COL11A2: variants seen among roughly 807,000 people sequenced by gnomAD.
The protein encoded by COL11A2 is collagen alpha-2(XI) chain.
A neutral mutation model predicts 273.4 loss-of-function variants in COL11A2; 116 were observed. The ratio of observed to expected loss-of-function variants is 0.42; its 90% confidence interval spans 0.36 to 0.49. The LOEUF is 0.49. COL11A2 is among the 20% of genes least tolerant of loss of function. COL11A2 has a pLI of 0.00. For missense variants in COL11A2, 1,866 were observed against 2,309.0 expected, an observed-to-expected ratio of 0.81 and a Z score of 3.93; for synonymous variants, 782 against 864.2, an observed-to-expected ratio of 0.90 and a Z score of 1.67.
chr6:33,188,317 G>A (rs1772664776), intron 4 of COL11A2, 45 bp downstream of exon 4: 1 of 1,611,292 alleles, frequency 6.2e-7, no homozygotes, highest in African/African-American at 1.3e-5. Flanking sequence ...GTGGGCACAA[G>A]ATAGGGGACC....
chr6:33,177,802 C>A lies in COL11A2; in HGVS notation c.1873-96G>T, dbSNP rs779508662. ...CATTCCCGAGGGTGTGACGGTCAGA[C>A]CTCCAATCCATCCCAAACCCAAGCA... On this transcript the variant is annotated intron_variant, in intron 21 of 65. Transcript: ENST00000341947. The surrounding 1 kb of genome is among the most constrained non-coding windows in gnomAD (Gnocchi z 5.9). 24 of 1,369,914 alleles carry A rather than the reference C, an allele frequency of 1.8e-5. No individual in the cohort carries two copies. Among genetic ancestry groups the A allele is most frequent in the South Asian group, 1.7e-4 (14 of 83,622 alleles). 84.9% of individuals were successfully genotyped at this position (1,369,914 alleles called of 1,614,324 possible).
In COL11A2 at chr6:33,170,722, GC is replaced by G. The variant is rs2150542180; in HGVS notation, c.3474+87del. Reference sequence around the variant, plus strand: ...TCAGACTCCGCAGGCCCTCCAGTCTGCATCGGCAGGCTGCTGGCAGAGTCTG... The same window carrying G: ...TCAGACTCCGCAGGCCCTCCAGTCTGATCGGCAGGCTGCTGGCAGAGTCTG... On this transcript the variant is annotated intron_variant, in intron 46 of 65. Coordinates refer to ENST00000341947, the MANE Select transcript of COL11A2 (RefSeq NM_080680.3). This position sits in a 1 kb window ranked among gnomAD's most constrained non-coding sequence, Gnocchi z 4.3. 1 of 1,575,904 alleles carries G rather than the reference GC, an allele frequency of 6.3e-7. No individual in the cohort carries two copies. Among genetic ancestry groups the G allele is most frequent in the Non-Finnish European group, 8.7e-7 (1 of 1,146,666 alleles).
rs2855428 is a variant in COL11A2 at position 33,174,476 on chromosome 6, C to A, written c.2430+51G>T. 3.6e-5 allele frequency: 57 copies of A among 1,601,086 alleles called. 1 individual carries two copies. In the East Asian group the frequency reaches 1.3e-3, roughly 35 times the overall value. ...TTTCTGGAATCAGGGATCAGGGAAG[C>A]GAAGAGGAGGAGGGAAGAGGAGGAG... On this transcript the variant is annotated intron_variant, in intron 31 of 65. Coordinates refer to ENST00000341947, the MANE Select transcript of COL11A2 (RefSeq NM_080680.3).
chr6:33,163,503 G>T lies in COL11A2; in HGVS notation c.*175C>A. ...CCCCAGATGCCACTCCTCCCGTGGG[G>T]TGTCCAGGCAACCACTTCACCCCTC... On this transcript the variant is annotated 3_prime_UTR_variant, in exon 66 of 66. Transcript: ENST00000341947. This position sits in a 1 kb window ranked among gnomAD's most constrained non-coding sequence, Gnocchi z 4.1. The T allele has an allele frequency of 3.4e-6, 3 of 879,960 alleles. No individual in the cohort carries two copies. The highest frequency in any genetic ancestry group is 1.8e-6 in the Non-Finnish European group (1 of 559,726). 54.5% of individuals were successfully genotyped at this position (879,960 alleles called of 1,614,324 possible). A position where few individuals can be genotyped will look rare whatever the true frequency, so the allele number is the denominator to read the frequency against.
Position 33,166,481 on chromosome 6 carries a change from G to A in COL11A2, c.4392+32C>T. The A allele has an allele frequency of 6.2e-7, 1 of 1,609,946 alleles. No homozygotes were observed. The highest frequency in any genetic ancestry group is 8.5e-7 in the Non-Finnish European group (1 of 1,177,556). On this transcript the variant is annotated intron_variant, in intron 60 of 65. Transcript: ENST00000341947. This position sits in a 1 kb window ranked among gnomAD's most constrained non-coding sequence, Gnocchi z 4.8. ...TGGGTGGGCAGCAGAGGGGTTTAGGGGATTTTGTGGAGGAACAGAGGCAGT... is the reference window on the plus strand; with the variant it reads ...TGGGTGGGCAGCAGAGGGGTTTAGGAGATTTTGTGGAGGAACAGAGGCAGT...
intron 5 of COL11A2, 106 bp downstream of exon 5, chr6:33,186,521 G>A (rs1772439392): frequency 6.3e-7 from 1 of 1,585,378 alleles, no homozygotes; most frequent in Non-Finnish European, 8.6e-7. Context: ...AGGGGGTGAT[G>A]GGAATAGGGA....
At chr6:33,183,338 T>G (rs1432469171) in intron 8 of COL11A2, among the ~76,000 whole-genome samples, 5 of 151,876 alleles carry the variant, frequency 3.3e-5, no homozygotes, top group Admixed American at 3.3e-4. Context: ...GAAGTGAACC[T>G]TCAACAACAA....
chr6:33,193,378 C>G (rs533011322), upstream of COL11A2, among the ~76,000 whole-genome samples: 145 of 147,226 alleles, frequency 9.8e-4, 1 homozygote, highest in Middle Eastern at 3.4e-3. Flanking sequence ...CACCGCCCCC[C>G]CTTCCTCCTC....
chr6:33,167,154 G>A lies in COL11A2; in HGVS notation c.4177-31C>T, dbSNP rs1769269711. On this transcript the variant is annotated intron_variant, in intron 57 of 65. Transcript: ENST00000341947. This position sits in a 1 kb window ranked among gnomAD's most constrained non-coding sequence, Gnocchi z 6.1. ...GAGAGATGGGAAGTCATTCTCTTAA[G>A]GGAGAGGTGGGACCAAGTTCTCCCC... 5 of 1,613,934 alleles carry A rather than the reference G, an allele frequency of 3.1e-6. No homozygotes were observed. Among genetic ancestry groups the A allele is most frequent in the Middle Eastern group, 3.3e-4 (2 of 6,082 alleles).
intron 8 of COL11A2, among the ~76,000 whole-genome samples, chr6:33,182,415 C>G (rs1226053844): frequency 6.6e-6 from 1 of 151,988 alleles, no homozygotes; most frequent in Non-Finnish European, 1.5e-5. Context: ...CATCCATACT[C>G]TAAGTAAATT....
Position 33,189,546 on chromosome 6 carries a change from A to G in COL11A2, c.83-77T>C. The G allele has an allele frequency of 6.3e-7, 1 of 1,582,270 alleles. No homozygotes were observed. The highest frequency in any genetic ancestry group is 8.6e-7 in the Non-Finnish European group (1 of 1,158,416). On this transcript the variant is annotated intron_variant, in intron 1 of 65. Coordinates refer to ENST00000341947, the MANE Select transcript of COL11A2 (RefSeq NM_080680.3). This position sits in a 1 kb window ranked among gnomAD's most constrained non-coding sequence, Gnocchi z 5.6. ...AAATAGGGGACATTTGGGATCTAGA[A>G]CTCAGCTTTCCAGGGCTCAAACTCC... is the stretch of plus-strand genomic sequence containing the variant.
Position 33,179,611 on chromosome 6 carries a change from C to T in COL11A2, c.1446+108G>A. 1.4e-6 allele frequency: 2 copies of T among 1,471,722 alleles called. No homozygotes were observed. The highest frequency in any genetic ancestry group is 1.9e-6 in the Non-Finnish European group (2 of 1,072,594). The allele number at this position is 1,471,722 out of a possible 1,614,324, so 91.2% of individuals were successfully genotyped here. A position where few individuals can be genotyped will look rare whatever the true frequency, so the allele number is the denominator to read the frequency against. ...ACTGCCCAGGATTCTCCCCAACCTCCCTGTTAACCCCAAACCAACCCAGGC... is the reference window on the plus strand; with the variant it reads ...ACTGCCCAGGATTCTCCCCAACCTCTCTGTTAACCCCAAACCAACCCAGGC... On this transcript the variant is annotated intron_variant, in intron 13 of 65. Transcript: ENST00000341947. This position sits in a 1 kb window ranked among gnomAD's most constrained non-coding sequence, Gnocchi z 6.4.
rs1366684392 is a variant in COL11A2 at position 33,186,448 on chromosome 6, T to C, written c.798+179A>G. The C allele has an allele frequency of 6.9e-6, 10 of 1,448,006 alleles. No homozygotes were observed. In the South Asian group the frequency reaches 7.5e-5, roughly 11 times the overall value. 89.7% of individuals were successfully genotyped at this position (1,448,006 alleles called of 1,614,324 possible). A position where few individuals can be genotyped will look rare whatever the true frequency, so the allele number is the denominator to read the frequency against. The stretch of plus-strand genomic sequence containing the variant: ...GAACACAGCTCCCAGCCACAAATTC[T>C]TCATAACAACTCTTTTTATTTTTAG... On this transcript the variant is annotated intron_variant, in intron 5 of 65. Transcript: ENST00000341947.
At chr6:33,185,672 G>A (rs897805040) in intron 6 of COL11A2, 29 bp downstream of exon 6, 1 of 1,207,958 alleles carries the variant, frequency 8.3e-7, no homozygotes, top group Non-Finnish European at 1.1e-6. Flanking sequence ...GGGAGAAAGG[G>A]AAGAAATGAA....
Position 33,174,047 on chromosome 6 carries a change from C to G in COL11A2, c.2493G>C (p.Ser831=). The change falls in exon 33 of 66, where the codon TCG becomes TCC. Residue 831 remains serine (S), a synonymous_variant. Coordinates refer to ENST00000341947, the MANE Select transcript of COL11A2 (RefSeq NM_080680.3). ...GTTCTCCCCGAGGCCCTGACTTCCC[C>G]GACAGGCCCTGGTGGGAATGAAGCA... is the stretch of plus-strand genomic sequence containing the variant. The part of the protein sequence containing the change: ...ASGEKGARGL[S]GKSGPRGERG... The G allele has an allele frequency of 6.2e-7, 1 of 1,613,910 alleles. No individual in the cohort carries two copies. The highest frequency in any genetic ancestry group is 8.5e-7 in the Non-Finnish European group (1 of 1,179,984).
In COL11A2 at chr6:33,166,070, T is replaced by C. The variant is rs1319176306; in HGVS notation, c.4429-86A>G. On this transcript the variant is annotated intron_variant, in intron 61 of 65. Transcript: ENST00000341947. This position sits in a 1 kb window ranked among gnomAD's most constrained non-coding sequence, Gnocchi z 4.8. ...AGAAAGATCAAATCAGCCTCCTGGC[T>C]GGAATAAGGGGCTCCTTGGGGGGAG... The C allele has an allele frequency of 1.2e-6, 2 of 1,606,886 alleles. No individual in the cohort carries two copies.
chr6:33,171,447 G>T lies in COL11A2; in HGVS notation c.3258+20C>A. On this transcript the variant is annotated intron_variant, in intron 43 of 65. Transcript: ENST00000341947. The stretch of plus-strand genomic sequence containing the variant: ...CTCATCTGGAAAGAAGATTGGTCGG[G>T]GTCTGTGGGGTCCCCTCACCTTGTC... 1 of 1,611,818 alleles carries T rather than the reference G, an allele frequency of 6.2e-7. No homozygotes were observed. The highest frequency in any genetic ancestry group is 8.5e-7 in the Non-Finnish European group (1 of 1,178,606).
rs371494071 is a variant in COL11A2, at chr6:33,180,395, T to C, written c.1285-63A>G. On this transcript the variant is annotated intron_variant, in intron 11 of 65. Coordinates refer to ENST00000341947, the MANE Select transcript of COL11A2 (RefSeq NM_080680.3). ...ATAAGGGGACATCAAGATCTTAGCA[T>C]GATTTTGAAATATCCTCTTCAACAG... 1.5e-5 allele frequency: 21 copies of C among 1,401,636 alleles called. 1 individual carries two copies. In the South Asian group the frequency reaches 1.5e-4, roughly 10 times the overall value. 86.8% of individuals were successfully genotyped at this position (1,401,636 alleles called of 1,614,324 possible).
In COL11A2 at chr6:33,178,006, AG is replaced by A. The variant is rs1227221803; in HGVS notation, c.1872+125del. 5 of 1,043,216 alleles carry A rather than the reference AG, an allele frequency of 4.8e-6. No homozygotes were observed. Among genetic ancestry groups the A allele is most frequent in the South Asian group, 1.5e-5 (1 of 67,090 alleles). 64.6% of individuals were successfully genotyped at this position (1,043,216 alleles called of 1,614,324 possible). On this transcript the variant is annotated intron_variant, in intron 21 of 65. Coordinates refer to ENST00000341947, the MANE Select transcript of COL11A2 (RefSeq NM_080680.3). The surrounding 1 kb of genome is among the most constrained non-coding windows in gnomAD (Gnocchi z 4.6). ...AGGCAGGGCAGTGTGGGGCCAGAGC[AG>A]GGGGAGCTCACAGGGAATGGGAAGC... is the stretch of plus-strand genomic sequence containing the variant.
Sources: allele counts gnomAD v4.1 joint callset (sites outside exome capture counted in the v4.1 genomes callset), GRCh38; gene constraint gnomAD v4.1.1; non-coding constraint Gnocchi (gnomAD v3.1); transcripts MANE v1.5; gene names NCBI Gene and HGNC (gene_info 2026-07-23, HGNC 2026-07-21).